The following DAPK1 variants were observed in gnomAD, a reference collection of about 807,000 sequenced individuals.
DAPK1 encodes death associated protein kinase 1, also known as death-associated protein kinase 1.
In DAPK1, 56 loss-of-function variants were observed where a neutral mutation model predicts 144.9. The ratio of observed to expected loss-of-function variants is 0.39; its 90% CI spans 0.31 to 0.48. The LOEUF (loss-of-function observed/expected upper bound fraction) is 0.48. Among genes scored for constraint, DAPK1 ranks in the 20% least tolerant of loss-of-function variants. The probability of loss-of-function intolerance (pLI) is 0.95; values close to 1 mark genes in which losing one functional copy is unlikely to be tolerated. For missense variants in DAPK1, 1,454 were observed against 1,875.4 expected (o/e 0.78, Z 4.15); for synonymous variants, 690 against 749.0 (o/e 0.92, Z 1.29).
At chr9:87,625,684 T>G (rs937947415) in intron 3 of DAPK1, among the ~76,000 whole-genome samples, 43 of 152,206 alleles carry the variant, frequency 2.8e-4, no homozygotes, top group Non-Finnish European at 1.5e-5. Flanking sequence ...CCAGAAAGAT[T>G]AAGTACTTTG....
intron 22 of DAPK1, chr9:87,698,353 T>G: frequency 3.7e-6 from 1 of 269,922 alleles, no homozygotes; most frequent in Non-Finnish European, 7.0e-6. Flanking sequence ...ACAGGTTAAA[T>G]TTTCCCTCTC....
chr9:87,642,336 T>C (rs954217491), intron 10 of DAPK1, among the ~76,000 whole-genome samples: 6 of 152,236 alleles, frequency 3.9e-5, no homozygotes, highest in Admixed American at 2.0e-4. Flanking sequence ...AAAATTATAG[T>C]GAAATTTTTT....
chr9:87,694,873 G>T (rs1212859982), intron 21 of DAPK1, among the ~76,000 whole-genome samples: 2 of 152,186 alleles, frequency 1.3e-5, no homozygotes, highest in Non-Finnish European at 2.9e-5. Flanking sequence ...TTCGGACTCA[G>T]AGAGTGCGTG....
intron 2 of DAPK1, among the ~76,000 whole-genome samples, chr9:87,524,062 ACAG>A (rs1825398749): frequency 6.6e-6 from 1 of 152,244 alleles, no homozygotes; most frequent in African/African-American, 2.4e-5. Flanking sequence ...TGAAACAGGT[ACAG>A]CCCATGAGAG....
intron 17 of DAPK1, among the ~76,000 whole-genome samples, chr9:87,655,044 C>T (rs1008498425): frequency 2.6e-5 from 4 of 152,222 alleles, no homozygotes; most frequent in Non-Finnish European, 5.9e-5. Flanking sequence ...CTGACATAAA[C>T]TTGTGTAATC....
intron 2 of DAPK1, among the ~76,000 whole-genome samples, chr9:87,549,242 C>T (rs1826381312): frequency 6.6e-6 from 1 of 152,144 alleles, no homozygotes; most frequent in Non-Finnish European, 1.5e-5. Context: ...CCTCTAGCTC[C>T]ATCCATGTCC....
In DAPK1 at chr9:87,640,254, A is replaced by G. The variant is rs1415942895; in HGVS notation, c.630-44A>G. On this transcript the variant is annotated intron_variant, in intron 7 of 25. Transcript: ENST00000408954. ...TTATAGGAGCAAAATGACAACACCA[A>G]GGGGTCATCATTAATGTTCTATGCC... is the stretch of plus-strand genomic sequence containing the variant. The G allele has an allele frequency of 2.5e-6, 4 of 1,578,100 alleles. No individual in the cohort carries two copies. In the East Asian group the frequency reaches 6.7e-5, roughly 26 times the overall value.
intron 2 of DAPK1, among the ~76,000 whole-genome samples, chr9:87,541,140 A>G (rs968355338): frequency 1.3e-5 from 2 of 152,246 alleles, no homozygotes; most frequent in African/African-American, 2.4e-5. Context: ...ACATCTTTTT[A>G]GTAAACATTG....
In DAPK1 at chr9:87,706,448, A is replaced by G. The variant is rs1825638804; in HGVS notation, c.3377A>G (p.Tyr1126Cys). The G allele has an allele frequency of 6.2e-7, 1 of 1,613,538 alleles. No homozygotes were observed. The highest frequency in any genetic ancestry group is 8.5e-7 in the Non-Finnish European group (1 of 1,179,576). Reference protein sequence around the residue: ...WADEEDEVMVYGGVRIVPVEH... With the variant: ...WADEEDEVMVCGGVRIVPVEH... ...GATGAGGAGGACGAGGTGATGGTGT[A>G]TGGTGGCGTGCGCATCGTGCCCGTG... The change falls in exon 26 of 26, where the codon TAT becomes TGT. Residue 1126 changes from tyrosine to cysteine, a missense_variant. Transcript: ENST00000408954. This position sits in a 1 kb window ranked among gnomAD's most constrained non-coding sequence, Gnocchi z 9.0.
intron 3 of DAPK1, among the ~76,000 whole-genome samples, chr9:87,623,797 T>C (rs1195278531): frequency 6.6e-6 from 1 of 152,148 alleles, no homozygotes; most frequent in Non-Finnish European, 1.5e-5. Context: ...TGAGCTCATT[T>C]AATGTAGAGA....
intron 12 of DAPK1, 129 bp downstream of exon 12, chr9:87,646,143 T>C: frequency 8.7e-7 from 1 of 1,155,078 alleles, no homozygotes; most frequent in East Asian, 2.4e-5. Context: ...GTGGGGAAAA[T>C]CACTTCTGTT....
At position 87,497,986 on chromosome 9, in the gene DAPK1, G is replaced by A. The variant is rs1824237837; in HGVS notation, c.-230G>A. ...TGGGGCCGGCGCCTGGGAGGGATCTGCGCCCCCCACTCACTCCCTAGCTGT... is the reference window on the plus strand; with the variant it reads ...TGGGGCCGGCGCCTGGGAGGGATCTACGCCCCCCACTCACTCCCTAGCTGT... On this transcript the variant is annotated 5_prime_UTR_variant, in exon 1 of 26. Coordinates refer to ENST00000408954, the MANE Select transcript of DAPK1 (RefSeq NM_004938.4). 1 of 397,188 alleles carries A rather than the reference G, an allele frequency of 2.5e-6. No individual in the cohort carries two copies. The highest frequency in any genetic ancestry group is 4.4e-5 in the Admixed American group (1 of 22,692). The allele number at this position is 397,188 out of a possible 1,614,324, so 24.6% of individuals were successfully genotyped here.
rs745950347 is a variant in DAPK1, at chr9:87,640,345, T to C, written c.677T>C (p.Leu226Ser). Reference sequence around the variant, plus strand: ...CTTGGAGACACTAAGCAAGAAACGTTAGCAAATGTATCCGCTGTCAACTAC... The same window carrying C: ...CTTGGAGACACTAAGCAAGAAACGTCAGCAAATGTATCCGCTGTCAACTAC... ...PFLGDTKQET[L>S]ANVSAVNYEF... The change falls in exon 8 of 26, where the codon TTA becomes TCA. Residue 226 changes from leucine (L) to serine (S), a missense_variant. Transcript: ENST00000408954. The C allele has an allele frequency of 1.9e-6, 3 of 1,614,254 alleles. No individual in the cohort carries two copies. The highest frequency in any genetic ancestry group is 2.5e-6 in the Non-Finnish European group (3 of 1,180,032).
chr9:87,558,809 C>T (rs1002402515), intron 2 of DAPK1, among the ~76,000 whole-genome samples: 1 of 152,200 alleles, frequency 6.6e-6, no homozygotes, highest in East Asian at 1.9e-4. Context: ...TGGGCTCCCA[C>T]GTGCAGAAAG....
At chr9:87,660,026 G>A (rs980542773) in intron 18 of DAPK1, among the ~76,000 whole-genome samples, 2 of 152,150 alleles carry the variant, frequency 1.3e-5, no homozygotes, top group South Asian at 2.1e-4. Flanking sequence ...GACAGGGGCT[G>A]GGGGCGCCCC....
rs36210671 is a variant in DAPK1, at chr9:87,636,905, A to T, written c.285-1038A>T. Reference sequence around the variant, plus strand: ...AGTTTTTAGGGGAGCTTGTTCGTCCATCCACCTGATAAAGTTTTGAATGCA... The same window carrying T: ...AGTTTTTAGGGGAGCTTGTTCGTCCTTCCACCTGATAAAGTTTTGAATGCA... On this transcript the variant is annotated intron_variant, in intron 3 of 25. Coordinates refer to ENST00000408954, the MANE Select transcript of DAPK1 (RefSeq NM_004938.4). Among the ~76,000 whole-genome samples the T allele has an allele frequency of 4.1e-3, 623 of 152,266 alleles. 4 individuals carry two copies. Among genetic ancestry groups the T allele is most frequent in the African/African-American group, 0.014 (591 of 41,546 alleles).
At chr9:87,558,928 G>A (rs1316897599) in intron 2 of DAPK1, among the ~76,000 whole-genome samples, 1 of 152,196 alleles carries the variant, frequency 6.6e-6, no homozygotes, top group Non-Finnish European at 1.5e-5. Flanking sequence ...GGGCATCAGG[G>A]AGGTACCACC....
intron 2 of DAPK1, among the ~76,000 whole-genome samples, chr9:87,565,285 G>T (rs1827080963): frequency 6.6e-6 from 1 of 152,168 alleles, no homozygotes; most frequent in South Asian, 2.1e-4. Flanking sequence ...AGGGAGACAA[G>T]TTTGCCTCTG....
At chr9:87,615,290 A>G (rs560237903) in intron 3 of DAPK1, among the ~76,000 whole-genome samples, 18 of 152,326 alleles carry the variant, frequency 1.2e-4, no homozygotes, top group African/African-American at 4.1e-4. Context: ...AATATTGTCA[A>G]AATTACTGCA....
Sources: gnomAD v4.1 joint callset for allele counts (sites outside exome capture counted in the v4.1 genomes callset) on GRCh38, gnomAD v4.1.1 for gene constraint, Gnocchi (gnomAD v3.1) non-coding constraint, MANE v1.5 for transcripts, NCBI Gene and HGNC (gene_info 2026-07-23, HGNC 2026-07-21) for gene names.